The following CPEB3 variants were observed in gnomAD, a reference collection of about 807,000 sequenced individuals.
The protein encoded by CPEB3 is cytoplasmic polyadenylation element binding protein 3.
Under a neutral mutation model 67.2 loss-of-function variants are expected in CPEB3, and 20 were observed. That is an observed-to-expected ratio of 0.30 (90% CI 0.21 to 0.43). The LOEUF is 0.43. CPEB3 is among the 20% of genes least tolerant of loss of function. The pLI is 1.00. For synonymous variants in CPEB3, 376 were observed against 393.1 expected, an observed-to-expected ratio of 0.96 and a Z score of 0.51; for missense variants, 746 against 968.6, an observed-to-expected ratio of 0.77 and a Z score of 3.05.
Position 92,192,161 on chromosome 10 carries a change from G to A in CPEB3, c.1165+316C>T, listed in dbSNP as rs536288542. Among the ~76,000 whole-genome samples, 26 of 152,146 alleles carry A rather than the reference G, an allele frequency of 1.7e-4. No homozygotes were observed. The Middle Eastern group carries it at 0.01, about 60-fold the overall frequency. On this transcript the variant is annotated intron_variant, in intron 3 of 9. Transcript: ENST00000265997. ...TACATGGACTTAAATGAATTATCCC[G>A]GTTCAGCTGAGGATTCCAAATGCAC...
chr10:92,106,255 A>G (rs1011007878), intron 7 of CPEB3, among the ~76,000 whole-genome samples: 15 of 144,916 alleles, frequency 1.0e-4, no homozygotes, highest in African/African-American at 3.9e-4. Flanking sequence ...CTATTCCCTC[A>G]TTACCATTTA....
intron 2 of CPEB3, among the ~76,000 whole-genome samples, chr10:92,214,956 G>A (rs895871517): frequency 4.0e-5 from 6 of 149,920 alleles, no homozygotes; most frequent in East Asian, 2.0e-4. Flanking sequence ...CAAGTGATTC[G>A]CATGCCTCAG....
At chr10:92,071,775 T>G (rs918396389) in intron 9 of CPEB3, among the ~76,000 whole-genome samples, 1 of 150,394 alleles carries the variant, frequency 6.6e-6, no homozygotes, top group Admixed American at 6.7e-5. Flanking sequence ...CCACACAGAG[T>G]AGACAATACA....
At chr10:92,099,817 T>A (rs1844086191) in intron 7 of CPEB3, among the ~76,000 whole-genome samples, 1 of 150,006 alleles carries the variant, frequency 6.7e-6, no homozygotes, top group African/African-American at 2.5e-5. Flanking sequence ...GGAACTGAGA[T>A]CACGCCATTG....
chr10:92,229,842 C>T (rs1182264239), intron 2 of CPEB3, among the ~76,000 whole-genome samples: 1 of 152,120 alleles, frequency 6.6e-6, no homozygotes, highest in Admixed American at 6.5e-5. Flanking sequence ...GTCGAGAGGT[C>T]GGGACCAGCC....
chr10:92,181,124 ACAATG>A, intron 3 of CPEB3, 105 bp from the exon 4 acceptor site: 1 of 639,390 alleles, frequency 1.6e-6, no homozygotes. Context: ...TTAATCTATA[ACAATG>A]CTATCAAAGG....
chr10:92,279,952 A>C (rs1842184842), intron 1 of CPEB3, among the ~76,000 whole-genome samples: 1 of 152,116 alleles, frequency 6.6e-6, no homozygotes, highest in Non-Finnish European at 1.5e-5. Context: ...CAGAGACTGC[A>C]ATGAGCTAAG....
Position 92,240,313 on chromosome 10 carries a change from T to G in CPEB3, c.38A>C (p.Gln13Pro). ...CCGCTGCTGCTGCTGGGGCTGGGGC[T>G]GGGTTTTGCTTTTGTCCATCAGTAA... ...DDLLMDKSKT[Q>P]PQPQQQQRQQ... Residue 13 changes from glutamine to proline, a missense_variant, in exon 2 of 10, where the codon CAG becomes CCG. Coordinates refer to ENST00000265997, the MANE Select transcript of CPEB3 (RefSeq NM_014912.5). 6.7e-7 allele frequency: 1 copy of G among 1,500,396 alleles called. No homozygotes were observed. Among genetic ancestry groups the G allele is most frequent in the Non-Finnish European group, 8.9e-7 (1 of 1,125,120 alleles). 92.9% of individuals were successfully genotyped at this position (1,500,396 alleles called of 1,614,324 possible).
chr10:92,083,055 T>A (rs577491392), intron 8 of CPEB3, among the ~76,000 whole-genome samples: 2 of 152,228 alleles, frequency 1.3e-5, no homozygotes, highest in Non-Finnish European at 2.9e-5. Flanking sequence ...TTCTGTACTA[T>A]GAAACTGCTG....
Position 92,049,184 on chromosome 10 carries a change from ATC to A in CPEB3, c.*3026_*3027del, listed in dbSNP as rs1203714687. 1.3e-5 allele frequency: 2 copies of A among 152,602 alleles called. No homozygotes were observed. Among genetic ancestry groups the A allele is most frequent in the Admixed American group, 6.5e-5 (1 of 15,290 alleles). The allele number at this position is 152,602 out of a possible 1,614,324, so 9.5% of individuals were successfully genotyped here. A position where few individuals can be genotyped will look rare whatever the true frequency, so the allele number is the denominator to read the frequency against. On this transcript the variant is annotated 3_prime_UTR_variant, in exon 10 of 10. Transcript: ENST00000265997. ...TGTCTAAAGTTTGCAATGAAAATAA[ATC>A]TGCAATAAAGATTTATGCCTTTTTT...
At chr10:92,104,342 T>C (rs1354926401) in intron 7 of CPEB3, among the ~76,000 whole-genome samples, 2 of 152,070 alleles carry the variant, frequency 1.3e-5, no homozygotes, top group Non-Finnish European at 2.9e-5. Context: ...TTGGCTATTT[T>C]GTCCACTAGC....
rs185388745 is a variant in CPEB3, at chr10:92,062,327, A to G, written c.1870-9888T>C. On this transcript the variant is annotated intron_variant, in intron 9 of 9. Transcript: ENST00000265997. Reference sequence around the variant, plus strand: ...AAAATTGCCAACAAAAATAGAAAATAAAATAAATTGTTAAAGAATAAAAGG... The same window carrying G: ...AAAATTGCCAACAAAAATAGAAAATGAAATAAATTGTTAAAGAATAAAAGG... 2.0e-5 allele frequency among the ~76,000 whole-genome samples: 3 copies of G among 152,276 alleles called. No homozygotes were observed. In the East Asian group the frequency reaches 5.8e-4, roughly 29 times the overall value.
At chr10:92,156,349 G>C (rs565704028) in intron 4 of CPEB3, among the ~76,000 whole-genome samples, 26 of 152,302 alleles carry the variant, frequency 1.7e-4, no homozygotes, top group Admixed American at 1.4e-3. Flanking sequence ...TGATGTTGGT[G>C]AAAGAGGCAG....
intron 2 of CPEB3, among the ~76,000 whole-genome samples, chr10:92,215,351 A>G (rs1850307050): frequency 6.8e-6 from 1 of 147,348 alleles, no homozygotes; most frequent in African/African-American, 2.5e-5. Context: ...ATGGGGTTTC[A>G]CCATGTTGGC....
At chr10:92,109,250 G>A (rs2133464316) in intron 7 of CPEB3, among the ~76,000 whole-genome samples, 1 of 151,646 alleles carries the variant, frequency 6.6e-6, no homozygotes, top group Admixed American at 6.6e-5. Context: ...ACCAAATTGG[G>A]TACAGATTTT....
chr10:92,265,598 T>C (rs1853016597), intron 1 of CPEB3, among the ~76,000 whole-genome samples: 1 of 151,416 alleles, frequency 6.6e-6, no homozygotes, highest in Non-Finnish European at 1.5e-5. Flanking sequence ...CTACTAAAAA[T>C]AACAAAATTA....
At chr10:92,288,441 C>T (rs1049721116) in intron 1 of CPEB3, among the ~76,000 whole-genome samples, 15 of 135,996 alleles carry the variant, frequency 1.1e-4, no homozygotes, top group Admixed American at 3.3e-4. Context: ...GATGACAAAG[C>T]GAGACTCTGT....
chr10:92,083,477 A>C (rs1414422865), intron 8 of CPEB3, among the ~76,000 whole-genome samples: 1 of 152,176 alleles, frequency 6.6e-6, no homozygotes, highest in Non-Finnish European at 1.5e-5. Flanking sequence ...TCATCCCAAC[A>C]ACCTCTGATG....
At chr10:92,250,868 T>A (rs1188820429) in intron 1 of CPEB3, among the ~76,000 whole-genome samples, 1 of 145,038 alleles carries the variant, frequency 6.9e-6, no homozygotes, top group South Asian at 2.2e-4. Context: ...ATTTTTTTTT[T>A]TTTTTTTTTT....
Sources: gnomAD v4.1 joint callset for allele counts (sites outside exome capture counted in the v4.1 genomes callset) on GRCh38, gnomAD v4.1.1 for gene constraint, MANE v1.5 for transcripts, NCBI Gene and HGNC (gene_info 2026-07-23, HGNC 2026-07-21) for gene names.